FRMPD4: variants seen among roughly 807,000 people sequenced by gnomAD.
FRMPD4 encodes FERM and PDZ domain containing 4.
FRMPD4 carries 22 observed loss-of-function variants against 94.1 expected under a neutral mutation model. That is an observed-to-expected ratio of 0.23 (90% CI 0.17 to 0.33). The LOEUF (loss-of-function observed/expected upper bound fraction) is 0.33, where lower values mean the gene tolerates loss of function less well. Ranked by LOEUF, FRMPD4 falls within the 10% of genes least tolerant of loss-of-function variation. The probability of loss-of-function intolerance (pLI) is 1.00; values close to 1 mark genes in which losing one functional copy is unlikely to be tolerated. For missense variants in FRMPD4, 1,111 were observed against 1,339.9 expected, an observed-to-expected ratio of 0.83 and a Z score of 2.67; for synonymous variants, 631 against 548.6, an observed-to-expected ratio of 1.15 and a Z score of -2.10.
At chrX:12,051,322 A>G (rs1045125314) in intron 3 of FRMPD4, among the ~76,000 whole-genome samples, 1 of 111,551 alleles carries the variant, frequency 9.0e-6, no homozygotes, top group African/African-American at 3.2e-5. Context: ...TTGGGTATCC[A>G]AGGTAGCAAC....
At chrX:12,009,449 A>G (rs944934462) in intron 3 of FRMPD4, among the ~76,000 whole-genome samples, 1 of 112,497 alleles carries the variant, frequency 8.9e-6, no homozygotes, top group African/African-American at 3.2e-5. Flanking sequence ...ATATATTTAG[A>G]ACAAAGCCAG....
intron 16 of FRMPD4, among the ~76,000 whole-genome samples, chrX:12,720,024 GGAAAGGAAAGGAAAGGAAAGGAAAGGAAA>G (rs1231195353): frequency 1.5e-3 from 54 of 35,271 alleles, no homozygotes; most frequent in South Asian, 4.4e-3. Flanking sequence ...GGAAAGGAAA[GGAAAGGAAAGGAAAGGAAAGGAAAGGAAA>G]GAAAGAAAGA....
chrX:11,850,052 G>A (rs1475572688), intron 1 of FRMPD4, among the ~76,000 whole-genome samples: 3 of 111,996 alleles, frequency 2.7e-5, no homozygotes, highest in African/African-American at 9.7e-5. Context: ...AATATATTCA[G>A]ACTATATGAA....
chrX:12,549,963 C>A (rs139351458), intron 2 of FRMPD4, among the ~76,000 whole-genome samples: 2,031 of 111,620 alleles, frequency 0.018, 45 homozygotes, highest in African/African-American at 0.063. Context: ...CCATAAAACC[C>A]TTTTCTAGAT....
In FRMPD4 at chrX:12,648,102, C is replaced by T. The variant is rs186869815; in HGVS notation, c.423-26761C>T. On this transcript the variant is annotated intron_variant, in intron 4 of 16. Coordinates refer to ENST00000675598, the MANE Select transcript of FRMPD4 (RefSeq NM_001368397.1). ...TCCCCAACCTTTTTGACACCCATAA[C>T]TGAACCTCCTCTGACACCATAAATT... 3.5e-4 allele frequency among the ~76,000 whole-genome samples: 39 copies of T among 111,729 alleles called. 1 individual carries two copies. The East Asian group carries it at 9.5e-3, about 27-fold the overall frequency.
chrX:12,064,885 C>T lies in FRMPD4; in HGVS notation c.95+186867C>T, dbSNP rs145503384. On this transcript the variant is annotated intron_variant, in intron 3 of 18. Transcript: ENST00000640291. ...AAGGATTACTAAAAATTTTCTGTCT[C>T]GTTTAACAATAATGGGCTTATTTGT... Among the ~76,000 whole-genome samples the T allele has an allele frequency of 4.9e-3, 543 of 111,939 alleles. 3 individuals carry two copies. The highest frequency in any genetic ancestry group is 0.017 in the African/African-American group (521 of 30,863).
At chrX:12,332,116 A>ATTTATATTATATATAATTTATAT (rs2055431006) in intron 1 of FRMPD4, among the ~76,000 whole-genome samples, 1 of 61,602 alleles carries the variant, frequency 1.6e-5, no homozygotes, top group Non-Finnish European at 3.0e-5. Context: ...ATTATATATA[A>ATTTATATTATATATAATTTATAT]TTTATATTTT....
At chrX:12,475,367 G>A (rs2057581303) in intron 1 of FRMPD4, among the ~76,000 whole-genome samples, 3 of 111,752 alleles carry the variant, frequency 2.7e-5, no homozygotes, top group African/African-American at 9.8e-5. Flanking sequence ...TACTGAATGG[G>A]CAAAAACTGA....
intron 2 of FRMPD4, among the ~76,000 whole-genome samples, chrX:11,875,055 T>G (rs1411608880): frequency 1.8e-5 from 2 of 112,348 alleles, no homozygotes; most frequent in African/African-American, 3.2e-5. Context: ...CTGAACAACT[T>G]TAAATAATTC....
chrX:12,358,357 T>G (rs1204821349), intron 1 of FRMPD4, among the ~76,000 whole-genome samples: 2 of 111,592 alleles, frequency 1.8e-5, no homozygotes, highest in Non-Finnish European at 3.8e-5. Context: ...TGTAAGTCCT[T>G]ATCCAGGGCT....
At chrX:11,857,751 G>T (rs2053661860) in intron 1 of FRMPD4, among the ~76,000 whole-genome samples, 1 of 112,679 alleles carries the variant, frequency 8.9e-6, no homozygotes, top group Non-Finnish European at 1.9e-5. Flanking sequence ...CACAGTAAAA[G>T]AAACTATCAT....
rs760797431 is a variant in FRMPD4, at chrX:12,000,279, G to C, written c.95+122261G>C. Among the ~76,000 whole-genome samples, 4 of 111,646 alleles carry C rather than the reference G, an allele frequency of 3.6e-5. No homozygotes were observed. The Admixed American group carries it at 3.8e-4, about 11-fold the overall frequency. On this transcript the variant is annotated intron_variant, in intron 3 of 18. Coordinates refer to the FRMPD4 transcript ENST00000640291. ...TAATTTTGGCATAGAGTAGAGCTGT[G>C]AAAAAATCTGTGAAGATTTTGTTAC...
intron 1 of FRMPD4, among the ~76,000 whole-genome samples, chrX:12,363,829 A>G (rs1377953414): frequency 9.0e-6 from 1 of 111,724 alleles, no homozygotes. Flanking sequence ...AGTTGCCAAC[A>G]TGACAGCCAG....
At chrX:12,089,791 G>T (rs1482783145) in intron 3 of FRMPD4, among the ~76,000 whole-genome samples, 1 of 111,864 alleles carries the variant, frequency 8.9e-6, no homozygotes, top group Non-Finnish European at 1.9e-5. Flanking sequence ...GAATGTGTTT[G>T]GTGTCTACTA....
chrX:12,097,101 T>C (rs1383501183), intron 3 of FRMPD4, among the ~76,000 whole-genome samples: 1 of 112,267 alleles, frequency 8.9e-6, no homozygotes, highest in African/African-American at 3.2e-5. Context: ...TATCCTGTAA[T>C]TGATATACCC....
At chrX:12,372,082 C>G (rs1388319848) in intron 1 of FRMPD4, among the ~76,000 whole-genome samples, 1 of 112,223 alleles carries the variant, frequency 8.9e-6, no homozygotes, top group Non-Finnish European at 1.9e-5. Flanking sequence ...TGAGATACTT[C>G]CAGGAAACCA....
intron 1 of FRMPD4, among the ~76,000 whole-genome samples, chrX:12,322,514 A>G (rs1338446101): frequency 9.1e-6 from 1 of 110,365 alleles, no homozygotes; most frequent in East Asian, 2.8e-4. Context: ...GAAGAGCAGC[A>G]TGGCAGGAGC....
intron 1 of FRMPD4, among the ~76,000 whole-genome samples, chrX:12,240,048 A>C (rs758980408): frequency 1.5e-4 from 17 of 112,599 alleles, no homozygotes; most frequent in African/African-American, 5.5e-4. Context: ...ACAATAACCA[A>C]CAAACATTTT....
At chrX:11,993,602 T>G (rs958170177) in intron 3 of FRMPD4, among the ~76,000 whole-genome samples, 1 of 112,342 alleles carries the variant, frequency 8.9e-6, no homozygotes, top group African/African-American at 3.2e-5. Flanking sequence ...AACATTCATT[T>G]TAAATCAACG....
Sources: allele counts gnomAD v4.1 joint callset (sites outside exome capture counted in the v4.1 genomes callset), GRCh38; gene constraint gnomAD v4.1.1; transcripts MANE v1.5; gene names NCBI Gene and HGNC (gene_info 2026-07-23, HGNC 2026-07-21).